The following ZNF264 variants were observed in gnomAD, a reference collection of about 807,000 sequenced individuals.
ZNF264 encodes zinc finger protein 264.
ZNF264 carries 11 observed loss-of-function variants against 11.2 expected under a neutral mutation model. The observed-to-expected ratio is 0.98, with a 90% CI of 0.62 to 1.63. ZNF264 has a LOEUF of 1.63. Among genes scored for constraint, ZNF264 ranks in the 40% most tolerant of loss-of-function variants. The probability of loss-of-function intolerance (pLI) is 0.00; values close to 1 mark genes in which losing one functional copy is unlikely to be tolerated. For synonymous variants in ZNF264, 309 were observed against 279.8 expected (o/e 1.10, Z -1.04); for missense variants, 752 against 768.1 (o/e 0.98, Z 0.25).
At chr19:57,196,231 C>T (rs1322520383) in intron 2 of ZNF264, among the ~76,000 whole-genome samples, 2 of 152,028 alleles carry the variant, frequency 1.3e-5, no homozygotes, top group South Asian at 2.1e-4. Flanking sequence ...AAGTGAGTGC[C>T]TTGGTCAGAG....
Position 57,211,403 on chromosome 19 carries a change from C to G in ZNF264, c.306C>G (p.Ala102=). ...KTTEPTTCEP[A]LSEGISLQGQ... ...CAGAACCTACCACTTGTGAGCCAGC[C>G]TTGTCAGAGGGAATCTCACTTCAGG... is the stretch of plus-strand genomic sequence containing the variant. Residue 102 remains alanine (A), a synonymous_variant, in exon 4 of 4, where the codon GCC becomes GCG. Transcript: ENST00000263095. 1 of 1,614,096 alleles carries G rather than the reference C, an allele frequency of 6.2e-7. No individual in the cohort carries two copies. Among genetic ancestry groups the G allele is most frequent in the Non-Finnish European group, 8.5e-7 (1 of 1,179,990 alleles).
intron 2 of ZNF264, among the ~76,000 whole-genome samples, chr19:57,200,804 A>G (rs1172592585): frequency 1.3e-4 from 20 of 151,500 alleles, no homozygotes; most frequent in Admixed American, 1.2e-3. Flanking sequence ...TAAAGACGGG[A>G]TTTTGCCATG....
At chr19:57,210,096 T>C (rs1043186929) in intron 3 of ZNF264, among the ~76,000 whole-genome samples, 9 of 152,160 alleles carry the variant, frequency 5.9e-5, no homozygotes, top group African/African-American at 1.9e-4. Flanking sequence ...GGAATCAGCC[T>C]CCCCTCTGTC....
At position 57,218,884 on chromosome 19, in the gene ZNF264, A is replaced by T. The variant is rs1347618259; in HGVS notation, c.*5903A>T. The T allele has an allele frequency of 6.6e-6, 1 of 152,176 alleles. No individual in the cohort carries two copies. Among genetic ancestry groups the T allele is most frequent in the Non-Finnish European group, 1.5e-5 (1 of 68,034 alleles). 9.4% of individuals were successfully genotyped at this position (152,176 alleles called of 1,614,324 possible). A position where few individuals can be genotyped will look rare whatever the true frequency, so the allele number is the denominator to read the frequency against. On this transcript the variant is annotated 3_prime_UTR_variant, in exon 4 of 4. Transcript: ENST00000263095. The stretch of plus-strand genomic sequence containing the variant: ...AACGCCAAAGAAAGACTCTCAGAGA[A>T]TAGACAACTATATTCCAAAGTCATG...
intron 3 of ZNF264, among the ~76,000 whole-genome samples, chr19:57,210,415 T>G (rs772725267): frequency 2.0e-5 from 3 of 152,222 alleles, no homozygotes; most frequent in Admixed American, 6.5e-5. Flanking sequence ...CTCTAAAACC[T>G]GTTTTAGTTA....
Position 57,192,566 on chromosome 19 carries a change from G to T in ZNF264, c.33+620G>T, listed in dbSNP as rs771451845. Reference sequence around the variant, plus strand: ...GAACCCAGTAAGGAAAGAGGCCGATGGTTGGTTCATTGTGGAATTTCCTTG... The same window carrying T: ...GAACCCAGTAAGGAAAGAGGCCGATTGTTGGTTCATTGTGGAATTTCCTTG... On this transcript the variant is annotated intron_variant, in intron 1 of 3. Coordinates refer to ENST00000263095, the MANE Select transcript of ZNF264 (RefSeq NM_003417.5). The T allele has an allele frequency of 3.0e-6, 3 of 985,262 alleles. No homozygotes were observed. In the African/African-American group the frequency reaches 5.2e-5, roughly 17 times the overall value. 61.0% of individuals were successfully genotyped at this position (985,262 alleles called of 1,614,324 possible).
At chr19:57,210,227 C>T (rs952699076) in intron 3 of ZNF264, among the ~76,000 whole-genome samples, 1 of 152,078 alleles carries the variant, frequency 6.6e-6, no homozygotes, top group Admixed American at 6.5e-5. Flanking sequence ...GCATAGGACT[C>T]ACTTCATTGA....
intron 1 of ZNF264, 92 bp from the exon 2 acceptor site, chr19:57,193,783 C>T (rs1185278418): frequency 2.6e-6 from 4 of 1,539,014 alleles, no homozygotes; most frequent in Non-Finnish European, 3.5e-6. Context: ...ATTCAGGCCG[C>T]CATCACTGTA....
intron 2 of ZNF264, among the ~76,000 whole-genome samples, chr19:57,204,936 C>T (rs751480417): frequency 1.5e-4 from 23 of 152,150 alleles, no homozygotes; most frequent in African/African-American, 5.6e-4. Flanking sequence ...TTCAGCAAAT[C>T]ACTTTACTTC....
At chr19:57,201,962 A>G (rs2087256535) in intron 2 of ZNF264, among the ~76,000 whole-genome samples, 1 of 151,814 alleles carries the variant, frequency 6.6e-6, no homozygotes, top group Non-Finnish European at 1.5e-5. Flanking sequence ...CTGTAGTCCC[A>G]GCAGTATGGG....
intron 3 of ZNF264, among the ~76,000 whole-genome samples, chr19:57,206,410 A>ATT (rs767273252): frequency 4.8e-5 from 7 of 144,912 alleles, no homozygotes; most frequent in African/African-American, 1.8e-4. Context: ...CGCCCAGCTA[A>ATT]TTTTTTTTTT....
At chr19:57,191,989 G>C in intron 1 of ZNF264, 43 bp downstream of exon 1, 1 of 1,495,646 alleles carries the variant, frequency 6.7e-7, no homozygotes, top group Non-Finnish European at 8.9e-7. Flanking sequence ...CCTTGCCAGC[G>C]CTGAGGCGGT....
chr19:57,212,385 A>G lies in ZNF264; in HGVS notation c.1288A>G (p.Ser430Gly). 2 of 1,614,022 alleles carry G rather than the reference A, an allele frequency of 1.2e-6. No individual in the cohort carries two copies. Among genetic ancestry groups the G allele is most frequent in the Non-Finnish European group, 1.7e-6 (2 of 1,180,000 alleles). Residue 430 changes from serine to glycine, a missense_variant, in exon 4 of 4, where the codon AGT becomes GGT. Coordinates refer to ENST00000263095, the MANE Select transcript of ZNF264 (RefSeq NM_003417.5). ...CACTGGGGAGAAGCCCTTCGTGTGC[A>G]GTGAATGTGGAAAGGCCTTCACCCA... is the stretch of plus-strand genomic sequence containing the variant. Reference protein sequence around the residue: ...IHTGEKPFVCSECGKAFTHCS... With the variant: ...IHTGEKPFVCGECGKAFTHCS...
chr19:57,210,800 G>A (rs1315815728), intron 3 of ZNF264, among the ~76,000 whole-genome samples: 1 of 152,122 alleles, frequency 6.6e-6, no homozygotes, highest in Non-Finnish European at 1.5e-5. Flanking sequence ...ATAAACTGTG[G>A]AGGACTCCAT....
rs1030568523 is a variant in ZNF264, at chr19:57,220,954, T to A, written c.*7973T>A. 3.9e-5 allele frequency: 6 copies of A among 152,038 alleles called. No individual in the cohort carries two copies. The highest frequency in any genetic ancestry group is 7.3e-5 in the Non-Finnish European group (5 of 68,060). The allele number at this position is 152,038 out of a possible 1,614,324, so 9.4% of individuals were successfully genotyped here. On this transcript the variant is annotated 3_prime_UTR_variant, in exon 4 of 4. Transcript: ENST00000263095. Reference sequence around the variant, plus strand: ...CCACCACACCCAGCCTTTATTGCAATTTTTGGTTCCCTCACAGAATGTTTA... The same window carrying A: ...CCACCACACCCAGCCTTTATTGCAAATTTTGGTTCCCTCACAGAATGTTTA...
intron 3 of ZNF264, among the ~76,000 whole-genome samples, chr19:57,206,091 C>T (rs1168463217): frequency 2.6e-5 from 4 of 152,148 alleles, no homozygotes; most frequent in African/African-American, 4.8e-5. Flanking sequence ...TACCAACTCC[C>T]CTCACATTCC....
rs775039272 is a variant in ZNF264 at position 57,212,329 on chromosome 19, G to A, written c.1232G>A (p.Arg411Gln). 17 of 1,611,254 alleles carry A rather than the reference G, an allele frequency of 1.1e-5. No homozygotes were observed. The highest frequency in any genetic ancestry group is 8.4e-5 in the Admixed American group (5 of 59,736). ...CLECGKAFNH[R>Q]SYLKRHQRIH... ...GAGTGTGGGAAGGCTTTCAACCACC[G>A]ATCCTACCTCAAGAGGCACCAGCGG... The change falls in exon 4 of 4, where the codon CGA (arginine) becomes CAA (glutamine). Residue 411 changes from arginine to glutamine, a missense_variant. Transcript: ENST00000263095.
At position 57,213,107 on chromosome 19, in the gene ZNF264, A is replaced by G. The variant is rs2087354047; in HGVS notation, c.*126A>G. The G allele has an allele frequency of 1.1e-6, 1 of 895,020 alleles. No individual in the cohort carries two copies. The highest frequency in any genetic ancestry group is 1.6e-6 in the Non-Finnish European group (1 of 614,570). 55.4% of individuals were successfully genotyped at this position (895,020 alleles called of 1,614,324 possible). ...GAGAGACCCAGTGGTTATTGTGCACATAGGAGAACCTTCAGCTGCATCTTT... is the reference window on the plus strand; with the variant it reads ...GAGAGACCCAGTGGTTATTGTGCACGTAGGAGAACCTTCAGCTGCATCTTT... On this transcript the variant is annotated 3_prime_UTR_variant, in exon 4 of 4. Coordinates refer to ENST00000263095, the MANE Select transcript of ZNF264 (RefSeq NM_003417.5).
In ZNF264 at chr19:57,222,538, A is replaced by G. The variant is rs1197290264; in HGVS notation, c.*9557A>G. 6.9e-6 allele frequency: 1 copy of G among 145,292 alleles called. No homozygotes were observed. The highest frequency in any genetic ancestry group is 1.5e-5 in the Non-Finnish European group (1 of 67,780). The allele number at this position is 145,292 out of a possible 1,614,324, so 9.0% of individuals were successfully genotyped here. On this transcript the variant is annotated 3_prime_UTR_variant, in exon 4 of 4. Transcript: ENST00000263095. Reference sequence around the variant, plus strand: ...TCTCTCTCTCTATATATATATATGTATATGTGTGTGTACATATGGACCACT... The same window carrying G: ...TCTCTCTCTCTATATATATATATGTGTATGTGTGTGTACATATGGACCACT...
Sources: allele counts gnomAD v4.1 joint callset (sites outside exome capture counted in the v4.1 genomes callset), GRCh38; gene constraint gnomAD v4.1.1; transcripts MANE v1.5; gene names NCBI Gene and HGNC (gene_info 2026-07-23, HGNC 2026-07-21).